Variants in C1QTNF3 observed in about 807,000 individuals in gnomAD.
C1QTNF3 encodes the protein C1q and TNF related 3.
C1QTNF3 carries 26 observed loss-of-function variants against 32.6 expected under a neutral mutation model. The ratio of observed to expected loss-of-function variants is 0.80; its 90% CI spans 0.58 to 1.11. The LOEUF is 1.11. Among genes scored for constraint, C1QTNF3 ranks in the 50% least tolerant of loss-of-function variants. The probability of loss-of-function intolerance (pLI) is 0.00; values close to 1 mark genes in which losing one functional copy is unlikely to be tolerated. For synonymous variants in C1QTNF3, 155 were observed against 146.0 expected (o/e 1.06, Z -0.44); for missense variants, 362 against 398.2 (o/e 0.91, Z 0.77).
chr5:34,082,858 T>A, the C1QTNF3 span, among the ~76,000 whole-genome samples: 1 of 151,804 alleles, frequency 6.6e-6, no homozygotes, highest in African/African-American at 2.4e-5. Flanking sequence ...AATTATTCAC[T>A]TATGTGTATA....
chr5:34,219,787 T>C, the C1QTNF3 span: 5 of 152,100 alleles, frequency 3.3e-5, no homozygotes, highest in Admixed American at 1.3e-4. Context: ...GCAAAACTTG[T>C]GGATGTTCTT....
the C1QTNF3 span, among the ~76,000 whole-genome samples, chr5:34,188,674 G>GA: frequency 1.3e-5 from 2 of 152,342 alleles, no homozygotes; most frequent in African/African-American, 2.4e-5. Flanking sequence ...TGTGTATCTA[G>GA]AAAATAACTA....
intron 4 of C1QTNF3, among the ~76,000 whole-genome samples, chr5:34,026,456 C>CAAAAAA (rs11335593): frequency 1.1e-5 from 1 of 92,718 alleles, no homozygotes. Flanking sequence ...AATCTGCCAG[C>CAAAAAA]AAAAAAAAAA....
At chr5:34,118,683 T>C in the C1QTNF3 span, among the ~76,000 whole-genome samples, 9 of 151,998 alleles carry the variant, frequency 5.9e-5, no homozygotes, top group African/African-American at 2.2e-4. Context: ...AAATGATAAA[T>C]AGTTTTCTTC....
At chr5:34,168,307 G>T in the C1QTNF3 span, 1 of 151,504 alleles carries the variant, frequency 6.6e-6, no homozygotes, top group South Asian at 2.1e-4. Flanking sequence ...GTGTGTGTGT[G>T]TGTGTATTAA....
chr5:34,161,509 T>G, the C1QTNF3 span, among the ~76,000 whole-genome samples: 1 of 152,186 alleles, frequency 6.6e-6, no homozygotes, highest in African/African-American at 2.4e-5. Context: ...CCAGTGAAAT[T>G]AATTTTAAAA....
At chr5:34,117,298 T>C in the C1QTNF3 span, among the ~76,000 whole-genome samples, 8 of 152,212 alleles carry the variant, frequency 5.3e-5, no homozygotes, top group African/African-American at 1.7e-4. Flanking sequence ...GGTTTCAGGG[T>C]GTTAAATATG....
the C1QTNF3 span, among the ~76,000 whole-genome samples, chr5:34,081,587 G>A: frequency 1.3e-5 from 2 of 151,114 alleles, 1 homozygote; most frequent in African/African-American, 4.9e-5. Context: ...CCCAAAATAA[G>A]CTATCAAGTA....
upstream of C1QTNF3, among the ~76,000 whole-genome samples, chr5:34,045,235 G>A (rs1038432239): frequency 4.6e-5 from 7 of 152,164 alleles, no homozygotes; most frequent in Admixed American, 1.3e-4. Flanking sequence ...ACTTTCTACC[G>A]CATTGAGACT....
the C1QTNF3 span, among the ~76,000 whole-genome samples, chr5:34,162,936 G>A: frequency 6.6e-6 from 1 of 152,190 alleles, no homozygotes; most frequent in East Asian, 1.9e-4. Flanking sequence ...CTACAGAGAA[G>A]AGAGAACAAG....
At chr5:34,048,432 A>C in the C1QTNF3 span, among the ~76,000 whole-genome samples, 1 of 152,162 alleles carries the variant, frequency 6.6e-6, no homozygotes, top group African/African-American at 2.4e-5. Flanking sequence ...ATTTACTATA[A>C]GAAATTACAC....
chr5:34,029,449 C>G (rs1451832962), intron 3 of C1QTNF3, among the ~76,000 whole-genome samples: 1 of 152,068 alleles, frequency 6.6e-6, no homozygotes, highest in Non-Finnish European at 1.5e-5. Flanking sequence ...CTATTAATTT[C>G]TAATGAAATT....
the C1QTNF3 span, among the ~76,000 whole-genome samples, chr5:34,201,693 C>A: frequency 6.6e-6 from 1 of 152,146 alleles, no homozygotes; most frequent in Non-Finnish European, 1.5e-5. Context: ...CCCCCTTTAG[C>A]TTTATTTGCT....
chr5:34,116,770 A>AT, the C1QTNF3 span, among the ~76,000 whole-genome samples: 1 of 151,614 alleles, frequency 6.6e-6, no homozygotes, highest in South Asian at 2.1e-4. Context: ...AATTTTTTGT[A>AT]TTTTTAGTAC....
the C1QTNF3 span, among the ~76,000 whole-genome samples, chr5:34,070,346 T>C: frequency 6.6e-6 from 1 of 152,232 alleles, no homozygotes; most frequent in African/African-American, 2.4e-5. Flanking sequence ...TAAATAAACT[T>C]AAAATAATTT....
At chr5:34,176,321 T>C in the C1QTNF3 span, among the ~76,000 whole-genome samples, 2 of 150,078 alleles carry the variant, frequency 1.3e-5, no homozygotes, top group Non-Finnish European at 3.0e-5. Flanking sequence ...AGTTAGTGGG[T>C]GCAGCACACC....
the C1QTNF3 span, among the ~76,000 whole-genome samples, chr5:34,233,968 ATCC>A: frequency 3.3e-5 from 5 of 152,122 alleles, no homozygotes; most frequent in African/African-American, 9.6e-5. Flanking sequence ...ACATTTTGCA[ATCC>A]TTTTTCTTAT....
the C1QTNF3 span, among the ~76,000 whole-genome samples, chr5:34,082,224 T>G: frequency 6.6e-6 from 1 of 151,494 alleles, no homozygotes; most frequent in Non-Finnish European, 1.5e-5. Flanking sequence ...TCAGGTGACA[T>G]TACAAGTTGT....
In C1QTNF3 at chr5:34,018,943, A is replaced by C. The variant is rs840387; in HGVS notation, c.*1640T>G. On this transcript the variant is annotated 3_prime_UTR_variant, in exon 6 of 6. Coordinates refer to ENST00000382065, the MANE Select transcript of C1QTNF3 (RefSeq NM_181435.6). ...GGAGTTCCAGACCGGCCTGGTCAAC[A>C]TGGTGAAACCCCATCTCTATTAGAA... Among the ~76,000 whole-genome samples, 69,875 of 151,894 alleles carry C rather than the reference A, an allele frequency of 0.46. 16,737 individuals are homozygous for C. Among genetic ancestry groups the C allele is most frequent in the South Asian group, 0.71 (3,415 of 4,800 alleles).
Sources: gnomAD v4.1 joint callset for allele counts (sites outside exome capture counted in the v4.1 genomes callset) on GRCh38, gnomAD v4.1.1 for gene constraint, MANE v1.5 for transcripts, NCBI Gene and HGNC (gene_info 2026-07-23, HGNC 2026-07-21) for gene names.